Variants in MICU1 observed in about 807,000 individuals in gnomAD.
MICU1 encodes mitochondrial calcium uptake 1.
Under a neutral mutation model 56.8 loss-of-function variants are expected in MICU1, and 45 were observed. That is an observed-to-expected ratio of 0.79 (90% CI 0.62 to 1.02). The LOEUF is 1.02. Among genes scored for constraint, MICU1 ranks in the 50% least tolerant of loss-of-function variants. The pLI is 0.00. For missense variants in MICU1, 504 were observed against 587.1 expected, an observed-to-expected ratio of 0.86 and a Z score of 1.46; for synonymous variants, 186 against 195.1, an observed-to-expected ratio of 0.95 and a Z score of 0.39.
intron 5 of MICU1, among the ~76,000 whole-genome samples, chr10:72,511,556 T>C (rs888947870): frequency 6.6e-6 from 1 of 152,308 alleles, no homozygotes; most frequent in Non-Finnish European, 1.5e-5. Context: ...GCCCCAGTTA[T>C]AAAGGCAGTC....
intron 8 of MICU1, among the ~76,000 whole-genome samples, chr10:72,440,408 T>A (rs1864880665): frequency 1.3e-5 from 2 of 152,156 alleles, no homozygotes; most frequent in Non-Finnish European, 2.9e-5. Flanking sequence ...TCAAGATGGA[T>A]TAAAGACTTA....
At chr10:72,378,908 TGG>T (rs1163374177) in intron 10 of MICU1, among the ~76,000 whole-genome samples, 2 of 152,246 alleles carry the variant, frequency 1.3e-5, no homozygotes, top group Admixed American at 6.5e-5. Context: ...AGGGTGAGGT[TGG>T]GGTGGAAATA....
chr10:72,438,434 C>T (rs1255440638), intron 8 of MICU1, among the ~76,000 whole-genome samples: 2 of 152,136 alleles, frequency 1.3e-5, no homozygotes, highest in Non-Finnish European at 2.9e-5. Flanking sequence ...TAAATGCCCA[C>T]AAGAGAAAGC....
chr10:72,576,225 CAAA>C (rs34829939), intron 1 of MICU1, among the ~76,000 whole-genome samples: 2 of 68,212 alleles, frequency 2.9e-5, no homozygotes, highest in African/African-American at 6.0e-5. Flanking sequence ...AAAAAAACAC[CAAA>C]AAAAAAAAAA....
intron 1 of MICU1, among the ~76,000 whole-genome samples, chr10:72,572,861 G>GTA (rs1473235183): frequency 6.6e-6 from 1 of 152,084 alleles, no homozygotes; most frequent in African/African-American, 2.4e-5. Flanking sequence ...ATGCAAATCT[G>GTA]TACAATTTAT....
chr10:72,557,082 G>T (rs1209733436), intron 3 of MICU1, among the ~76,000 whole-genome samples: 1 of 151,822 alleles, frequency 6.6e-6, no homozygotes, highest in East Asian at 1.9e-4. Context: ...AAAAGAAAAA[G>T]AAAAATCTCT....
At chr10:72,535,165 G>A (rs1160556523) in intron 4 of MICU1, among the ~76,000 whole-genome samples, 1 of 151,622 alleles carries the variant, frequency 6.6e-6, no homozygotes, top group Non-Finnish European at 1.5e-5. Context: ...AAGTAGCTGG[G>A]ATTACAGGTG....
At chr10:72,563,444 G>A (rs944642725) in intron 2 of MICU1, among the ~76,000 whole-genome samples, 7 of 152,136 alleles carry the variant, frequency 4.6e-5, no homozygotes, top group Non-Finnish European at 7.4e-5. Context: ...GAATCTTGAG[G>A]GCGTTATGCT....
intron 6 of MICU1, among the ~76,000 whole-genome samples, chr10:72,498,621 G>T (rs376601330): frequency 6.6e-6 from 1 of 151,982 alleles, no homozygotes; most frequent in Admixed American, 6.6e-5. Flanking sequence ...AGAAGCCTTC[G>T]GATTTACTCC....
At chr10:72,444,383 AG>A (rs1865039651) in intron 8 of MICU1, among the ~76,000 whole-genome samples, 1 of 151,952 alleles carries the variant, frequency 6.6e-6, no homozygotes, top group Non-Finnish European at 1.5e-5. Flanking sequence ...AATAATAAGA[AG>A]AAAAAAAGAA....
At chr10:72,438,943 G>A (rs9665616) in intron 8 of MICU1, among the ~76,000 whole-genome samples, 6,793 of 152,136 alleles carry the variant, frequency 0.045, 419 homozygotes, top group East Asian at 0.19. Context: ...AGGACCAGAC[G>A]GATTCACAGG....
intron 10 of MICU1, among the ~76,000 whole-genome samples, chr10:72,381,512 A>C (rs769801014): frequency 3.3e-5 from 5 of 152,168 alleles, no homozygotes; most frequent in Non-Finnish European, 5.9e-5. Flanking sequence ...GACAACATTT[A>C]GGAGAACTAG....
rs924359508 is a variant in MICU1 at position 72,367,942 on chromosome 10, C to T, written c.*253G>A. On this transcript the variant is annotated 3_prime_UTR_variant, in exon 12 of 12. Coordinates refer to ENST00000361114, the MANE Select transcript of MICU1 (RefSeq NM_001195518.2). ...GCTTGAATGGGTGGTGCTGTTGAGG[C>T]TGACAAATGTCTGAGCTTTACAGAC... 14 of 419,844 alleles carry T rather than the reference C, an allele frequency of 3.3e-5. No homozygotes were observed. Among genetic ancestry groups the T allele is most frequent in the Non-Finnish European group, 5.1e-5 (12 of 234,030 alleles). The allele number at this position is 419,844 out of a possible 1,614,324, so 26.0% of individuals were successfully genotyped here.
chr10:72,540,046 T>A (rs1208256008), intron 4 of MICU1, among the ~76,000 whole-genome samples: 9 of 152,176 alleles, frequency 5.9e-5, no homozygotes, highest in African/African-American at 2.2e-4. Context: ...GACAGGTGAA[T>A]CACCTGAGGT....
intron 1 of MICU1, among the ~76,000 whole-genome samples, chr10:72,604,495 A>T (rs1416836690): frequency 2.0e-5 from 3 of 149,680 alleles, no homozygotes; most frequent in Admixed American, 1.3e-4. Flanking sequence ...CTGGTCTCAA[A>T]CTCCCGACCT....
At chr10:72,426,955 T>A (rs1405542558) in intron 8 of MICU1, among the ~76,000 whole-genome samples, 1 of 152,206 alleles carries the variant, frequency 6.6e-6, no homozygotes, top group Non-Finnish European at 1.5e-5. Context: ...TTGGAAGAAA[T>A]TCAAATTACA....
chr10:72,457,567 A>G (rs936623999), intron 8 of MICU1, among the ~76,000 whole-genome samples: 1 of 152,126 alleles, frequency 6.6e-6, no homozygotes, highest in Non-Finnish European at 1.5e-5. Flanking sequence ...CAGGAGGAGC[A>G]ACACCAACAC....
chr10:72,437,875 C>T (rs560392460), intron 8 of MICU1, among the ~76,000 whole-genome samples: 3 of 152,310 alleles, frequency 2.0e-5, no homozygotes, highest in Non-Finnish European at 4.4e-5. Flanking sequence ...GCACCCAATA[C>T]AGGAGCACCC....
At chr10:72,528,638 T>C (rs1164156675) in intron 5 of MICU1, 1 of 162,146 alleles carries the variant, frequency 6.2e-6, no homozygotes, top group Non-Finnish European at 1.4e-5. Flanking sequence ...ATGAGACTTT[T>C]AGTACCCTAT....
Sources: allele counts gnomAD v4.1 joint callset (sites outside exome capture counted in the v4.1 genomes callset), GRCh38; gene constraint gnomAD v4.1.1; transcripts MANE v1.5; gene names NCBI Gene and HGNC (gene_info 2026-07-23, HGNC 2026-07-21).